The following TNFRSF21 variants were observed in gnomAD, a reference collection of about 807,000 sequenced individuals.
The protein encoded by TNFRSF21 is tumor necrosis factor receptor superfamily member 21.
In TNFRSF21, 19 loss-of-function variants were observed where a neutral mutation model predicts 45.6. The observed-to-expected ratio is 0.42, with a 90% CI of 0.29 to 0.61. The LOEUF is 0.61. Among genes scored for constraint, TNFRSF21 ranks in the 20% least tolerant of loss-of-function variants. The probability of loss-of-function intolerance (pLI) is 0.23; values close to 1 mark genes in which losing one functional copy is unlikely to be tolerated. For missense variants in TNFRSF21, 737 were observed against 851.5 expected (o/e 0.87, Z 1.67); for synonymous variants, 314 against 335.5 (o/e 0.94, Z 0.70).
intron 1 of TNFRSF21, among the ~76,000 whole-genome samples, chr6:47,292,519 C>A (rs534283477): frequency 7.2e-5 from 11 of 152,198 alleles, no homozygotes; most frequent in Non-Finnish European, 1.3e-4. Flanking sequence ...AAGTTTTGGA[C>A]ACCCTGAACT....
intron 4 of TNFRSF21, among the ~76,000 whole-genome samples, chr6:47,237,910 C>T (rs552706875): frequency 3.9e-5 from 6 of 152,116 alleles, no homozygotes; most frequent in Admixed American, 6.5e-5. Context: ...ATGAGCCAGG[C>T]GTGGTGGCAG....
rs1362667635 is a variant in TNFRSF21 at position 47,287,967 on chromosome 6, C to A, written c.97-1372G>T. Among the ~76,000 whole-genome samples, 4 of 152,290 alleles carry A rather than the reference C, an allele frequency of 2.6e-5. No homozygotes were observed. The East Asian group carries it at 7.7e-4, about 29-fold the overall frequency. The stretch of plus-strand genomic sequence containing the variant: ...TTTCTGATAAAGGCATAAATTGCAA[C>A]ACACACTTTGAAAGCTGGTTGGTAC... On this transcript the variant is annotated intron_variant, in intron 1 of 5. Transcript: ENST00000296861.
intron 4 of TNFRSF21, among the ~76,000 whole-genome samples, chr6:47,244,536 T>A (rs1441968817): frequency 6.6e-6 from 1 of 152,222 alleles, no homozygotes; most frequent in Non-Finnish European, 1.5e-5. Flanking sequence ...AGTAGTTGCA[T>A]TGTTCTTGTA....
chr6:47,256,698 C>T (rs1764993377), intron 3 of TNFRSF21, among the ~76,000 whole-genome samples: 1 of 152,216 alleles, frequency 6.6e-6, no homozygotes, highest in African/African-American at 2.4e-5. Context: ...ATAGACTCCT[C>T]AGAAAACCCA....
Position 47,232,572 on chromosome 6 carries a change from AAG to A in TNFRSF21, c.*191_*192del, listed in dbSNP as rs112278570. Reference sequence around the variant, plus strand: ...TCCCAGAAGAGTTATTTAAAAAAAAAAGAGAGAGAGAGAAGGAGAAAGAACTC... The same window carrying A: ...TCCCAGAAGAGTTATTTAAAAAAAAAAGAGAGAGAGAAGGAGAAAGAACTC... On this transcript the variant is annotated 3_prime_UTR_variant, in exon 6 of 6. Transcript: ENST00000296861. 0.013 allele frequency: 7,510 copies of A among 556,316 alleles called. 447 individuals are homozygous for A. The highest frequency in any genetic ancestry group is 0.13 in the African/African-American group (6,606 of 51,618). 34.5% of individuals were successfully genotyped at this position (556,316 alleles called of 1,614,324 possible).
intron 1 of TNFRSF21, among the ~76,000 whole-genome samples, chr6:47,296,253 G>A (rs945642129): frequency 4.6e-5 from 7 of 152,106 alleles, no homozygotes; most frequent in Non-Finnish European, 8.8e-5. Context: ...CAATGACTCT[G>A]GCCAGTGCAG....
At chr6:47,271,024 A>C (rs1459649740) in intron 3 of TNFRSF21, among the ~76,000 whole-genome samples, 1 of 152,300 alleles carries the variant, frequency 6.6e-6, no homozygotes, top group Middle Eastern at 3.4e-3. Flanking sequence ...ATGTGAAAAG[A>C]CCAAATCTAC....
intron 1 of TNFRSF21, among the ~76,000 whole-genome samples, chr6:47,291,151 A>C (rs1012106033): frequency 1.3e-5 from 2 of 152,240 alleles, no homozygotes; most frequent in Admixed American, 6.5e-5. Flanking sequence ...AGGGAACACC[A>C]GATCAAAAGT....
At chr6:47,299,943 T>C (rs769040895) in intron 1 of TNFRSF21, among the ~76,000 whole-genome samples, 4 of 152,226 alleles carry the variant, frequency 2.6e-5, no homozygotes, top group Non-Finnish European at 4.4e-5. Context: ...TTTATTTCCT[T>C]TGACCCAGCA....
At chr6:47,256,889 C>T (rs1036419670) in intron 3 of TNFRSF21, among the ~76,000 whole-genome samples, 4 of 152,130 alleles carry the variant, frequency 2.6e-5, no homozygotes, top group African/African-American at 9.7e-5. Context: ...TAAGTAGGAC[C>T]ATTGCTTAAA....
intron 2 of TNFRSF21, among the ~76,000 whole-genome samples, chr6:47,285,116 G>C (rs1025795783): frequency 6.6e-6 from 1 of 152,118 alleles, no homozygotes; most frequent in Non-Finnish European, 1.5e-5. Context: ...CTTGGAGGCT[G>C]TTTCTTCATT....
At chr6:47,303,870 A>G (rs1019553061) in intron 1 of TNFRSF21, among the ~76,000 whole-genome samples, 2 of 152,264 alleles carry the variant, frequency 1.3e-5, no homozygotes, top group Admixed American at 1.3e-4. Context: ...TAAATAATCA[A>G]AGCTCAGCAG....
At chr6:47,235,559 C>T (rs957848611) in intron 4 of TNFRSF21, among the ~76,000 whole-genome samples, 11 of 152,168 alleles carry the variant, frequency 7.2e-5, no homozygotes, top group African/African-American at 2.2e-4. Flanking sequence ...GTTGTTTAAG[C>T]CATGCAGTCT....
At chr6:47,236,794 G>A (rs1764670172) in intron 4 of TNFRSF21, among the ~76,000 whole-genome samples, 1 of 152,154 alleles carries the variant, frequency 6.6e-6, no homozygotes, top group Non-Finnish European at 1.5e-5. Flanking sequence ...AATTCACTCA[G>A]TTAGACTAAG....
Position 47,253,417 on chromosome 6 carries a change from T to C in TNFRSF21, c.1348A>G (p.Asn450Asp). 1.2e-6 allele frequency: 2 copies of C among 1,614,176 alleles called. No individual in the cohort carries two copies. The highest frequency in any genetic ancestry group is 1.7e-5 in the Admixed American group (1 of 60,022). The change falls in exon 4 of 6, where the codon AAT (asparagine) becomes GAT (aspartate). Residue 450 changes from asparagine (N) to aspartate (D), a missense_variant. Transcript: ENST00000296861. ...CGCTCGTGGTCGGCTGTGTACCCATTGGAGAAAGCAGCAACCTCCCTCTCA... is the reference window on the plus strand; with the variant it reads ...CGCTCGTGGTCGGCTGTGTACCCATCGGAGAAAGCAGCAACCTCCCTCTCA... ...ASEREVAAFSNGYTADHERAY... is the reference protein window; with the variant it reads ...ASEREVAAFSDGYTADHERAY...
At position 47,305,048 on chromosome 6, in the gene TNFRSF21, T is replaced by C. The variant is rs1165413582; in HGVS notation, c.96+4368A>G. 2.0e-5 allele frequency among the ~76,000 whole-genome samples: 3 copies of C among 152,148 alleles called. No homozygotes were observed. The South Asian group carries it at 6.2e-4, about 32-fold the overall frequency. On this transcript the variant is annotated intron_variant, in intron 1 of 5. Coordinates refer to ENST00000296861, the MANE Select transcript of TNFRSF21 (RefSeq NM_014452.5). ...TGAAAGTCTTTTTTTTCTCTTATTC[T>C]CAGACTAAGAGCCAAAGTTACTTCA...
At position 47,233,036 on chromosome 6, in the gene TNFRSF21, T is replaced by A. The variant is rs372378396; in HGVS notation, c.1739-42A>T. On this transcript the variant is annotated intron_variant, in intron 5 of 5. Coordinates refer to ENST00000296861, the MANE Select transcript of TNFRSF21 (RefSeq NM_014452.5). ...GAAGCAAAGACAGCTGTAAGGTGAC[T>A]GTACTGGCAAGGCCTGGAGGAAGGA... The A allele has an allele frequency of 6.3e-6, 10 of 1,595,480 alleles. No individual in the cohort carries two copies. In the African/African-American group the frequency reaches 1.3e-4, roughly 21 times the overall value.
intron 3 of TNFRSF21, among the ~76,000 whole-genome samples, chr6:47,272,678 A>G: frequency 6.6e-6 from 1 of 152,226 alleles, no homozygotes; most frequent in East Asian, 1.9e-4. Context: ...AGCAGAACTG[A>G]AAGAGATAAA....
At chr6:47,245,449 TG>T (rs1764810198) in intron 4 of TNFRSF21, among the ~76,000 whole-genome samples, 1 of 128,642 alleles carries the variant, frequency 7.8e-6, no homozygotes, top group Non-Finnish European at 1.6e-5. Context: ...TGTGTGTGTG[TG>T]TGTGTGTTTG....
Sources: gnomAD v4.1 joint callset for allele counts (sites outside exome capture counted in the v4.1 genomes callset) on GRCh38, gnomAD v4.1.1 for gene constraint, MANE v1.5 for transcripts, NCBI Gene and HGNC (gene_info 2026-07-23, HGNC 2026-07-21) for gene names.